The following VPS13C variants were observed in gnomAD, a reference collection of about 807,000 sequenced individuals.
The protein encoded by VPS13C is intermembrane lipid transfer protein VPS13C.
VPS13C carries 358 observed loss-of-function variants against 456.8 expected under a neutral mutation model. That is an observed-to-expected ratio of 0.78 (90% CI 0.72 to 0.86). The LOEUF (loss-of-function observed/expected upper bound fraction) is 0.86, where lower values mean the gene tolerates loss of function less well. VPS13C is among the 40% of genes least tolerant of loss of function. VPS13C has a pLI of 0.00. For missense variants in VPS13C, 4,818 were observed against 4,385.4 expected, an observed-to-expected ratio of 1.10 and a Z score of -2.79; for synonymous variants, 1,578 against 1,486.7, an observed-to-expected ratio of 1.06 and a Z score of -1.41.
intron 66 of VPS13C, among the ~76,000 whole-genome samples, chr15:61,902,883 T>C: frequency 1.0e-5 from 1 of 97,668 alleles, no homozygotes. Context: ...CATCCAAATT[T>C]GAAAAAAAAA....
intron 21 of VPS13C, among the ~76,000 whole-genome samples, chr15:61,981,724 G>A (rs1049350374): frequency 6.6e-5 from 10 of 152,082 alleles, no homozygotes; most frequent in East Asian, 1.9e-4. Context: ...TTAGCCAGGC[G>A]TGGTGGCGGG....
At chr15:61,958,231 G>A (rs8034914) in intron 37 of VPS13C, among the ~76,000 whole-genome samples, 102,164 of 151,758 alleles carry the variant, frequency 0.67, 35,510 homozygotes, top group East Asian at 0.85. Flanking sequence ...TCTTACAGAT[G>A]TTTTACTACC....
intron 67 of VPS13C, among the ~76,000 whole-genome samples, chr15:61,886,453 T>C (rs1896277939): frequency 6.6e-6 from 1 of 152,108 alleles, no homozygotes; most frequent in Non-Finnish European, 1.5e-5. Flanking sequence ...CATTCAAAGT[T>C]CACTTTTCTC....
At chr15:62,051,536 G>A (rs919080947) in intron 1 of VPS13C, among the ~76,000 whole-genome samples, 5 of 152,212 alleles carry the variant, frequency 3.3e-5, no homozygotes, top group Admixed American at 2.6e-4. Flanking sequence ...CTGTTCTCCC[G>A]AATAGCAGAG....
chr15:61,936,513 G>T, intron 48 of VPS13C, 84 bp downstream of exon 48: 1 of 1,354,480 alleles, frequency 7.4e-7, no homozygotes, highest in Non-Finnish European at 9.8e-7. Flanking sequence ...ACCACATTGT[G>T]CTGGACAGCT....
intron 13 of VPS13C, among the ~76,000 whole-genome samples, chr15:62,009,883 C>T (rs2046982274): frequency 6.6e-6 from 1 of 152,046 alleles, no homozygotes; most frequent in African/African-American, 2.4e-5. Context: ...GAGGGAAAAA[C>T]ACATTAAAAT....
rs115290371 is a variant in VPS13C, at chr15:61,977,193, G to T, written c.2297C>A (p.Thr766Asn). The T allele has an allele frequency of 1.8e-3, 2,799 of 1,535,878 alleles. 50 individuals carry two copies. In the African/African-American group the frequency reaches 0.035, roughly 19 times the overall value. Residue 766 changes from threonine (T) to asparagine (N), a missense_variant, in exon 24 of 85, where the codon ACC becomes AAC. Thr to Asn is a moderately conservative substitution (Grantham distance 65, BLOSUM62 0). Coordinates refer to ENST00000644861, the MANE Select transcript of VPS13C (RefSeq NM_020821.3). ...VQLLFARAEETWKKCRFQHPS... is the reference protein window; with the variant it reads ...VQLLFARAEENWKKCRFQHPS... ...ATGCTGAAATCGACACTTTTTCCAG[G>T]TTTCCTCTTTAAAAAATAATTTAAG...
At position 61,920,328 on chromosome 15, in the gene VPS13C, A is replaced by C. The variant is rs1281796260; in HGVS notation, c.7216T>G (p.Phe2406Val). Residue 2406 changes from phenylalanine to valine, a missense_variant, in exon 57 of 85, where the codon TTT (phenylalanine) becomes GTT (valine). This residue lies in a region of VPS13C where 4,552 missense variants were observed against 4,130.6 expected (regional missense o/e 1.10). Coordinates refer to ENST00000644861, the MANE Select transcript of VPS13C (RefSeq NM_020821.3). ...AAAGTAGAAGCAGTGCCCTCTGAAAAACCCTGAAAAGGAACATATCATCAC... is the reference window on the plus strand; with the variant it reads ...AAAGTAGAAGCAGTGCCCTCTGAAACACCCTGAAAAGGAACATATCATCAC... ...LNVFNNLAKG[F>V]SEGTASTFDY... The C allele has an allele frequency of 1.9e-6, 3 of 1,591,404 alleles. No homozygotes were observed. The highest frequency in any genetic ancestry group is 8.6e-7 in the Non-Finnish European group (1 of 1,165,526).
At chr15:62,030,618 A>C (rs1274753125) in intron 5 of VPS13C, among the ~76,000 whole-genome samples, 1 of 152,108 alleles carries the variant, frequency 6.6e-6, no homozygotes, top group Non-Finnish European at 1.5e-5. Context: ...AGTGAACAAT[A>C]ATCACATTGT....
In VPS13C at chr15:61,870,483, A is replaced by G. The variant is rs143408484; in HGVS notation, c.10625-860T>C. Among the ~76,000 whole-genome samples the G allele has an allele frequency of 9.8e-4, 149 of 152,310 alleles. 1 individual carries two copies. The highest frequency in any genetic ancestry group is 1.6e-3 in the Non-Finnish European group (112 of 68,040). On this transcript the variant is annotated intron_variant, in intron 79 of 84. Coordinates refer to ENST00000644861, the MANE Select transcript of VPS13C (RefSeq NM_020821.3). ...ACATGATTCCTTTTTATGACTGAGT[A>G]CTACTCTAATGTATGAAAATATCAC... is the stretch of plus-strand genomic sequence containing the variant.
intron 70 of VPS13C, 42 bp from the exon 71 acceptor site, chr15:61,881,674 T>C (rs1213590339): frequency 1.9e-6 from 3 of 1,604,578 alleles, no homozygotes; most frequent in South Asian, 2.2e-5. Context: ...TAATGCTTTA[T>C]ACTAGGTTAA....
chr15:61,863,616 T>C (rs1894348316), intron 81 of VPS13C, 88 bp from the exon 82 acceptor site: 2 of 790,530 alleles, frequency 2.5e-6, no homozygotes, highest in African/African-American at 1.8e-5. Context: ...ATAATAATAG[T>C]GTTAGGAAAA....
intron 27 of VPS13C, among the ~76,000 whole-genome samples, chr15:61,972,235 T>C (rs1373518611): frequency 6.6e-6 from 1 of 152,236 alleles, no homozygotes; most frequent in Non-Finnish European, 1.5e-5. Context: ...AAATTTAGGT[T>C]GTTTACATTT....
intron 54 of VPS13C, 45 bp downstream of exon 54, chr15:61,922,352 G>A (rs116214584): frequency 1.2e-5 from 18 of 1,554,764 alleles, no homozygotes; most frequent in African/African-American, 5.5e-5. Context: ...TTCCAAAATC[G>A]CACTTTCAAG....
chr15:61,929,556 T>C lies in VPS13C; in HGVS notation c.6231A>G (p.Lys2077=). Residue 2077 remains lysine (K), a synonymous_variant, in exon 51 of 85, where the codon AAA becomes AAG. Transcript: ENST00000644861. ...TCTGTCTTGGTAAAATCTGTGTTTC[T>C]TTTGCCACATTTTCTGGACTCTGAG... ...AVPQSPENVA[K]ETQILPRQTA... 1 of 1,614,144 alleles carries C rather than the reference T, an allele frequency of 6.2e-7. No individual in the cohort carries two copies. The highest frequency in any genetic ancestry group is 8.5e-7 in the Non-Finnish European group (1 of 1,180,010).
chr15:62,007,264 T>C (rs970578517), intron 15 of VPS13C, 44 bp downstream of exon 15: 8 of 1,320,698 alleles, frequency 6.1e-6, no homozygotes, highest in Non-Finnish European at 8.0e-6. Flanking sequence ...TATTAAAGGA[T>C]GATTAGACAA....
chr15:62,030,185 G>A (rs2047765316), intron 5 of VPS13C, among the ~76,000 whole-genome samples: 2 of 152,108 alleles, frequency 1.3e-5, no homozygotes, highest in African/African-American at 4.8e-5. Flanking sequence ...AAGAATTAAA[G>A]ATAAATTTAC....
chr15:61,965,226 T>C lies in VPS13C; in HGVS notation c.3052-365A>G, dbSNP rs184499726. Among the ~76,000 whole-genome samples the C allele has an allele frequency of 9.6e-4, 146 of 151,946 alleles. 1 individual carries two copies. The highest frequency in any genetic ancestry group is 3.4e-3 in the African/African-American group (143 of 41,520). ...TAAAATTATAAGTCAAAAGGCGAAA[T>C]CCCAGAACCACCATGTGCTACTACT... On this transcript the variant is annotated intron_variant, in intron 30 of 84. Coordinates refer to ENST00000644861, the MANE Select transcript of VPS13C (RefSeq NM_020821.3).
chr15:62,001,209 T>C (rs1238548134), intron 15 of VPS13C, among the ~76,000 whole-genome samples: 1 of 152,208 alleles, frequency 6.6e-6, no homozygotes, highest in African/African-American at 2.4e-5. Flanking sequence ...TTGTTACCAT[T>C]TTATATACGA....
Sources: allele counts gnomAD v4.1 joint callset (sites outside exome capture counted in the v4.1 genomes callset), GRCh38; gene constraint gnomAD v4.1.1; regional missense constraint gnomAD v4.1.1; transcripts MANE v1.5; gene names NCBI Gene and HGNC (gene_info 2026-07-23, HGNC 2026-07-21).